Variants in LDLRAD4 observed in about 807,000 individuals in gnomAD.
The protein encoded by LDLRAD4 is low-density lipoprotein receptor class A domain-containing protein 4.
In LDLRAD4, 5 loss-of-function variants were observed where a neutral mutation model predicts 17.0. The observed-to-expected ratio is 0.29, with a 90% CI of 0.15 to 0.62. The LOEUF is 0.62. Among genes scored for constraint, LDLRAD4 ranks in the 20% least tolerant of loss-of-function variants. The pLI is 0.84. For missense variants in LDLRAD4, 340 were observed against 424.7 expected (o/e 0.80, Z 1.75); for synonymous variants, 168 against 171.8 (o/e 0.98, Z 0.17).
At chr18:13,524,592 T>G (rs2094001160) in intron 3 of LDLRAD4, among the ~76,000 whole-genome samples, 1 of 152,190 alleles carries the variant, frequency 6.6e-6, no homozygotes, top group Non-Finnish European at 1.5e-5. Context: ...ACAAACCACT[T>G]CCAAGCTCAG....
chr18:13,232,834 T>C (rs2042149241), intron 1 of LDLRAD4, among the ~76,000 whole-genome samples: 1 of 152,138 alleles, frequency 6.6e-6, no homozygotes, highest in Non-Finnish European at 1.5e-5. Context: ...GCGTGCCAGC[T>C]GTGATGCTCG....
exon 6 of LDLRAD4, chr18:13,651,429 C>G (rs2043240095): frequency 6.6e-6 from 1 of 152,234 alleles, no homozygotes; most frequent in Non-Finnish European, 1.5e-5. Context: ...CTAGAAGAGA[C>G]TTGGCTGTCA....
At chr18:13,397,749 G>A (rs948335975) in intron 2 of LDLRAD4, among the ~76,000 whole-genome samples, 2 of 152,220 alleles carry the variant, frequency 1.3e-5, no homozygotes, top group African/African-American at 4.8e-5. Flanking sequence ...GTGCTACCAC[G>A]GCGCAGCACT....
chr18:13,564,026 C>T (rs1053909382), intron 3 of LDLRAD4, among the ~76,000 whole-genome samples: 45 of 152,322 alleles, frequency 3.0e-4, no homozygotes, highest in African/African-American at 1.0e-3. Flanking sequence ...CCAACCCAGC[C>T]TCCCAAAGAG....
At chr18:13,501,681 G>A (rs7229467) in intron 3 of LDLRAD4, among the ~76,000 whole-genome samples, 2,918 of 151,844 alleles carry the variant, frequency 0.019, 88 homozygotes, top group African/African-American at 0.067. Context: ...CAAGGGGTCC[G>A]GAGTGAGAGG....
chr18:13,287,712 C>T lies in LDLRAD4; in HGVS notation c.-383+9524C>T, dbSNP rs114776495. On this transcript the variant is annotated intron_variant, in intron 1 of 5. Transcript: ENST00000359446. ...TAGTGTGGATGGATGGAGAGAGAAA[C>T]ACTTATTATGAGGATTGGATTTAGT... Among the ~76,000 whole-genome samples, 1,248 of 152,256 alleles carry T rather than the reference C, an allele frequency of 8.2e-3. 20 individuals are homozygous for T. Among genetic ancestry groups the T allele is most frequent in the African/African-American group, 0.029 (1,192 of 41,542 alleles).
At chr18:13,338,618 T>A (rs548906738) in intron 1 of LDLRAD4, among the ~76,000 whole-genome samples, 99 of 152,352 alleles carry the variant, frequency 6.5e-4, no homozygotes, top group African/African-American at 1.9e-3. Flanking sequence ...TCTTTGCATT[T>A]CTGTGAAGAA....
chr18:13,465,105 G>A (rs959983437), intron 3 of LDLRAD4: 22 of 152,230 alleles, frequency 1.4e-4, no homozygotes, highest in African/African-American at 3.4e-4. Flanking sequence ...CGGCTCCATC[G>A]CTGTTAGTAA....
intron 1 of LDLRAD4, among the ~76,000 whole-genome samples, chr18:13,346,540 G>A (rs2082699688): frequency 6.6e-6 from 1 of 152,148 alleles, no homozygotes; most frequent in Middle Eastern, 3.2e-3. Flanking sequence ...GTGCTGAAAA[G>A]AATGTATATT....
intron 3 of LDLRAD4, among the ~76,000 whole-genome samples, chr18:13,593,616 ATCTG>A (rs2095055989): frequency 6.6e-6 from 1 of 152,122 alleles, no homozygotes; most frequent in Non-Finnish European, 1.5e-5. Flanking sequence ...CTATTTATAT[ATCTG>A]TCTATCTAGC....
chr18:13,218,495 C>A (rs1488698905), upstream of LDLRAD4, among the ~76,000 whole-genome samples: 4 of 152,218 alleles, frequency 2.6e-5, no homozygotes, highest in South Asian at 4.1e-4. Context: ...TGTCTCCGCG[C>A]CCCTAGGCCT....
chr18:13,387,906 G>A, intron 2 of LDLRAD4, 144 bp downstream of exon 3: 1 of 675,688 alleles, frequency 1.5e-6, no homozygotes, highest in Non-Finnish European at 2.6e-6. Flanking sequence ...TGTGGTGACT[G>A]ATTCTGACAA....
chr18:13,368,204 G>A (rs184234178), intron 1 of LDLRAD4, among the ~76,000 whole-genome samples: 1 of 152,146 alleles, frequency 6.6e-6, no homozygotes, highest in Non-Finnish European at 1.5e-5. Flanking sequence ...ATTGGCGCAC[G>A]GTTGGCGTGG....
intron 3 of LDLRAD4, among the ~76,000 whole-genome samples, chr18:13,587,174 C>A (rs558220746): frequency 2.2e-4 from 33 of 152,272 alleles, no homozygotes; most frequent in African/African-American, 7.7e-4. Flanking sequence ...GCCTCATGCC[C>A]AGAGCTCCCA....
rs371040247 is a variant in LDLRAD4, at chr18:13,632,071, A to G, written c.336+10800A>G. Among the ~76,000 whole-genome samples the G allele has an allele frequency of 3.3e-5, 5 of 152,234 alleles. No homozygotes were observed. In the South Asian group the frequency reaches 8.3e-4, roughly 25 times the overall value. On this transcript the variant is annotated intron_variant, in intron 4 of 5. Coordinates refer to ENST00000359446, the Ensembl canonical transcript of LDLRAD4. Reference sequence around the variant, plus strand: ...CAGTGTCATACACTACATTAACAGAATGAAGTTGGGGGTCCCAAACTTCAT... The same window carrying G: ...CAGTGTCATACACTACATTAACAGAGTGAAGTTGGGGGTCCCAAACTTCAT...
At chr18:13,652,138 C>T (rs1169526209) in exon 6 of LDLRAD4, 1 of 152,200 alleles carries the variant, frequency 6.6e-6, no homozygotes, top group Non-Finnish European at 1.5e-5. Flanking sequence ...CCAGGTTCAA[C>T]CTTGTGGGAG....
intron 1 of LDLRAD4, among the ~76,000 whole-genome samples, chr18:13,263,851 G>A (rs1248608846): frequency 2.0e-5 from 3 of 152,066 alleles, no homozygotes; most frequent in African/African-American, 7.3e-5. Context: ...GTCATGATTG[G>A]GTGGTAACTG....
intron 2 of LDLRAD4, among the ~76,000 whole-genome samples, chr18:13,388,998 C>G (rs893656950): frequency 6.6e-6 from 1 of 152,216 alleles, no homozygotes; most frequent in Non-Finnish European, 1.5e-5. Flanking sequence ...TGGTTATTCT[C>G]TGGCCCATGT....
intron 1 of LDLRAD4, among the ~76,000 whole-genome samples, chr18:13,244,124 T>TCCCCCCCCCCCCCC: frequency 1.3e-5 from 1 of 75,934 alleles, no homozygotes; most frequent in African/African-American, 4.5e-5. Context: ...CACCATGAAC[T>TCCCCCCCCCCCCCC]CACCCACCCA....
Sources: gnomAD v4.1 joint callset for allele counts (sites outside exome capture counted in the v4.1 genomes callset) on GRCh38, gnomAD v4.1.1 for gene constraint, MANE v1.5 for transcripts, NCBI Gene and HGNC (gene_info 2026-07-23, HGNC 2026-07-21) for gene names.